Variants in B3GAT2 observed in about 807,000 individuals in gnomAD.
B3GAT2 encodes galactosylgalactosylxylosylprotein 3-beta-glucuronosyltransferase 2.
In B3GAT2, 26 loss-of-function variants were observed where a neutral mutation model predicts 27.8. That is an observed-to-expected ratio of 0.93 (90% confidence interval 0.68 to 1.30). B3GAT2 has a LOEUF of 1.30. Ranked by LOEUF, B3GAT2 falls within the 50% of genes most tolerant of loss-of-function variation. The probability of loss-of-function intolerance (pLI) is 0.00; values close to 1 mark genes in which losing one functional copy is unlikely to be tolerated. For missense variants in B3GAT2, 458 were observed against 459.0 expected (o/e 1.00, Z 0.02); for synonymous variants, 218 against 195.1 (o/e 1.12, Z -0.98).
intron 1 of B3GAT2, among the ~76,000 whole-genome samples, chr6:70,934,206 A>G (rs1051622311): frequency 1.3e-5 from 2 of 152,216 alleles, no homozygotes; most frequent in Non-Finnish European, 2.9e-5. Flanking sequence ...GAATGCATAC[A>G]ACTCTCCATG....
Position 70,857,948 on chromosome 6 carries a change from C to G in B3GAT2, c.*3715G>C. ...TGTATTTATGGGACCCACAAATATA[C>G]CATTTACCTCACAAGCACCAGCTGC... On this transcript the variant is annotated 3_prime_UTR_variant, in exon 4 of 4. Coordinates refer to ENST00000230053, the MANE Select transcript of B3GAT2 (RefSeq NM_080742.3). The G allele has an allele frequency of 6.2e-7, 1 of 1,614,030 alleles. No individual in the cohort carries two copies. The highest frequency in any genetic ancestry group is 8.5e-7 in the Non-Finnish European group (1 of 1,179,976).
intron 2 of B3GAT2, among the ~76,000 whole-genome samples, chr6:70,869,481 T>C (rs542657919): frequency 1.6e-4 from 25 of 152,332 alleles, no homozygotes; most frequent in African/African-American, 6.0e-4. Flanking sequence ...ATCTGTAGAT[T>C]AATTGGGGGA....
chr6:70,861,608 T>G lies in B3GAT2; in HGVS notation c.*55A>C. The G allele has an allele frequency of 6.6e-7, 1 of 1,515,632 alleles. No homozygotes were observed. Among genetic ancestry groups the G allele is most frequent in the Non-Finnish European group, 9.1e-7 (1 of 1,097,266 alleles). 93.9% of individuals were successfully genotyped at this position (1,515,632 alleles called of 1,614,324 possible). A position where few individuals can be genotyped will look rare whatever the true frequency, so the allele number is the denominator to read the frequency against. ...TGCTCTGTAGCCTAAACTCCAAACA[T>G]CCTCTTCCATATGGATCCACTGGCT... is the stretch of plus-strand genomic sequence containing the variant. On this transcript the variant is annotated 3_prime_UTR_variant, in exon 4 of 4. Transcript: ENST00000230053.
At chr6:70,869,924 C>G (rs575105855) in intron 2 of B3GAT2, among the ~76,000 whole-genome samples, 2 of 152,106 alleles carry the variant, frequency 1.3e-5, no homozygotes, top group Admixed American at 6.5e-5. Flanking sequence ...GAAATAGGAA[C>G]ACTTTTACAC....
In B3GAT2 at chr6:70,858,081, A is replaced by T; in HGVS notation, c.*3582T>A. 1 of 1,614,080 alleles carries T rather than the reference A, an allele frequency of 6.2e-7. No individual in the cohort carries two copies. The highest frequency in any genetic ancestry group is 1.7e-5 in the Admixed American group (1 of 60,008). On this transcript the variant is annotated 3_prime_UTR_variant, in exon 4 of 4. Transcript: ENST00000230053. Reference sequence around the variant, plus strand: ...ATGATGGTGGGCATGCCCATGCCCAATGGGTTTATGGGAAATGCACAAACT... The same window carrying T: ...ATGATGGTGGGCATGCCCATGCCCATTGGGTTTATGGGAAATGCACAAACT...
chr6:70,944,283 T>C (rs1765440174), intron 1 of B3GAT2, among the ~76,000 whole-genome samples: 1 of 152,152 alleles, frequency 6.6e-6, no homozygotes, highest in East Asian at 1.9e-4. Context: ...ATTGCCTCAC[T>C]CGGGAAGCGC....
At chr6:70,865,361 G>GC (rs1447605281) in intron 2 of B3GAT2, among the ~76,000 whole-genome samples, 7 of 152,088 alleles carry the variant, frequency 4.6e-5, no homozygotes, top group Admixed American at 2.6e-4. Context: ...CAAGTTATCT[G>GC]CCCCCCTCGG....
chr6:70,895,438 C>T (rs577058349), intron 1 of B3GAT2, among the ~76,000 whole-genome samples: 5 of 151,284 alleles, frequency 3.3e-5, no homozygotes, highest in Non-Finnish European at 7.4e-5. Flanking sequence ...TAGAAGCTCC[C>T]ATTAGCCAAG....
At chr6:70,870,522 C>T (rs1459963536) in intron 2 of B3GAT2, among the ~76,000 whole-genome samples, 4 of 151,052 alleles carry the variant, frequency 2.6e-5, no homozygotes, top group Non-Finnish European at 5.9e-5. Flanking sequence ...GCACATGTAC[C>T]CTAAAACTTA....
At chr6:70,881,665 A>G (rs1053002695) in intron 2 of B3GAT2, among the ~76,000 whole-genome samples, 3 of 152,178 alleles carry the variant, frequency 2.0e-5, no homozygotes, top group African/African-American at 7.2e-5. Flanking sequence ...AGCTTACCAC[A>G]CAACCCCCAC....
At chr6:70,900,366 C>T (rs931144429) in intron 1 of B3GAT2, among the ~76,000 whole-genome samples, 2 of 151,926 alleles carry the variant, frequency 1.3e-5, no homozygotes, top group African/African-American at 4.8e-5. Context: ...AGGCAGGTGA[C>T]TACCATGCAC....
intron 2 of B3GAT2, among the ~76,000 whole-genome samples, chr6:70,868,444 A>G (rs1006829781): frequency 6.6e-6 from 1 of 152,332 alleles, no homozygotes; most frequent in Non-Finnish European, 1.5e-5. Flanking sequence ...GTAAGTATCA[A>G]TTTAGCCTCA....
At chr6:70,898,645 C>T (rs1386938307) in intron 1 of B3GAT2, among the ~76,000 whole-genome samples, 1 of 152,110 alleles carries the variant, frequency 6.6e-6, no homozygotes, top group Non-Finnish European at 1.5e-5. Flanking sequence ...ACTGCTTTTG[C>T]CCAGAACGCT....
chr6:70,915,532 GT>G (rs1462266900), intron 1 of B3GAT2, among the ~76,000 whole-genome samples: 1 of 152,136 alleles, frequency 6.6e-6, no homozygotes, highest in Non-Finnish European at 1.5e-5. Flanking sequence ...GGTTTTTATG[GT>G]TTTAGGTATT....
At chr6:70,870,367 A>G (rs1771914003) in intron 2 of B3GAT2, among the ~76,000 whole-genome samples, 1 of 134,244 alleles carries the variant, frequency 7.4e-6, no homozygotes, top group South Asian at 2.5e-4. Context: ...CAGGAAGGGG[A>G]ACATCACACA....
chr6:70,945,683 T>A lies in B3GAT2; in HGVS notation c.591+10156A>T, dbSNP rs182913478. 2.2e-4 allele frequency among the ~76,000 whole-genome samples: 33 copies of A among 146,802 alleles called. 1 individual carries two copies. The highest frequency in any genetic ancestry group is 5.6e-4 in the African/African-American group (22 of 39,486). The stretch of plus-strand genomic sequence containing the variant: ...ATCCAGGAGAATTTCCCCAATCTAG[T>A]ATGGCAGGCCAACATTCAGATTCAG... On this transcript the variant is annotated intron_variant, in intron 1 of 3. Transcript: ENST00000230053.
chr6:70,911,767 C>G (rs1256247666), intron 1 of B3GAT2, among the ~76,000 whole-genome samples: 3 of 152,178 alleles, frequency 2.0e-5, no homozygotes, highest in African/African-American at 4.8e-5. Flanking sequence ...TTGATTCTTC[C>G]TATCCACGAG....
rs368480746 is a variant in B3GAT2, at chr6:70,933,682, G to A, written c.591+22157C>T. Among the ~76,000 whole-genome samples the A allele has an allele frequency of 1.2e-4, 18 of 152,210 alleles. No homozygotes were observed. In the East Asian group the frequency reaches 2.7e-3, roughly 23 times the overall value. On this transcript the variant is annotated intron_variant, in intron 1 of 3. Transcript: ENST00000230053. ...AGTTTATTTAGATGTAAAACAACAC[G>A]TCCATATATGGACCATACGTAAATC...
At chr6:70,936,271 C>T (rs1249665655) in intron 1 of B3GAT2, among the ~76,000 whole-genome samples, 1 of 151,990 alleles carries the variant, frequency 6.6e-6, no homozygotes, top group Non-Finnish European at 1.5e-5. Flanking sequence ...GAGTGACCTA[C>T]AAAGAGACTT....
Sources: gnomAD v4.1 joint callset for allele counts (sites outside exome capture counted in the v4.1 genomes callset) on GRCh38, gnomAD v4.1.1 for gene constraint, MANE v1.5 for transcripts, NCBI Gene and HGNC (gene_info 2026-07-23, HGNC 2026-07-21) for gene names.